Variants in IFNG-AS1 observed in about 807,000 individuals in gnomAD.
The protein encoded by IFNG-AS1 is IFNG regulatory antisense RNA 1.
intron 2 of IFNG-AS1, among the ~76,000 whole-genome samples, chr12:68,005,217 T>A (rs1262182714): frequency 6.6e-6 from 1 of 152,186 alleles, no homozygotes; most frequent in East Asian, 1.9e-4. Context: ...AGAGGGAAGA[T>A]CTCTGTGTCC....
At chr12:67,997,740 A>T (rs1196925577) in intron 2 of IFNG-AS1, among the ~76,000 whole-genome samples, 1 of 151,910 alleles carries the variant, frequency 6.6e-6, no homozygotes, top group Non-Finnish European at 1.5e-5. Context: ...TGCTTGCAAC[A>T]TTAATCTTTC....
At chr12:68,000,381 C>T (rs1223346013) in intron 2 of IFNG-AS1, among the ~76,000 whole-genome samples, 1 of 152,124 alleles carries the variant, frequency 6.6e-6, no homozygotes, top group African/African-American at 2.4e-5. Context: ...AAAATGTTGG[C>T]CACATGCAGT....
chr12:68,014,279 A>G (rs1880097435), intron 3 of IFNG-AS1, among the ~76,000 whole-genome samples: 1 of 152,168 alleles, frequency 6.6e-6, no homozygotes, highest in African/African-American at 2.4e-5. Context: ...GCATAATGAC[A>G]TCTTGTCCTC....
At chr12:68,008,768 G>C (rs1592826362) in intron 3 of IFNG-AS1, among the ~76,000 whole-genome samples, 1 of 152,288 alleles carries the variant, frequency 6.6e-6, no homozygotes, top group African/African-American at 2.4e-5. Context: ...ACTTGTAATG[G>C]ACCAGACTGA....
chr12:68,011,446 T>C (rs1565691304), intron 3 of IFNG-AS1, among the ~76,000 whole-genome samples: 1 of 152,080 alleles, frequency 6.6e-6, no homozygotes, highest in Non-Finnish European at 1.5e-5. Context: ...ATACTGTAAC[T>C]CCTCCAAAAT....
At chr12:68,013,321 G>A (rs1439558241) in intron 3 of IFNG-AS1, among the ~76,000 whole-genome samples, 1 of 152,194 alleles carries the variant, frequency 6.6e-6, no homozygotes, top group Non-Finnish European at 1.5e-5. Context: ...GAAGGACCAC[G>A]TAATACAAGC....
At chr12:67,995,591 A>C (rs1424386718) in intron 1 of IFNG-AS1, among the ~76,000 whole-genome samples, 1 of 151,284 alleles carries the variant, frequency 6.6e-6, no homozygotes, top group Non-Finnish European at 1.5e-5. Flanking sequence ...GCATGGTGTC[A>C]TGTGCCTGTA....
At chr12:68,002,385 T>C (rs1372876002) in intron 2 of IFNG-AS1, among the ~76,000 whole-genome samples, 2 of 152,206 alleles carry the variant, frequency 1.3e-5, no homozygotes, top group East Asian at 3.9e-4. Flanking sequence ...TATTTGGCTC[T>C]CAGAGTCAGA....
At chr12:67,996,653 C>G (rs1246620307) in intron 2 of IFNG-AS1, among the ~76,000 whole-genome samples, 3 of 152,162 alleles carry the variant, frequency 2.0e-5, no homozygotes, top group East Asian at 3.8e-4. Flanking sequence ...CTTGGCTTCT[C>G]TCTTTCAAAT....
intron 3 of IFNG-AS1, among the ~76,000 whole-genome samples, chr12:68,007,083 A>G (rs1273688732): frequency 6.6e-6 from 1 of 152,262 alleles, no homozygotes; most frequent in Admixed American, 6.5e-5. Context: ...TAGTAAAGGC[A>G]CAGAGCCTAA....
At chr12:68,007,077 A>C (rs563709037) in intron 3 of IFNG-AS1, among the ~76,000 whole-genome samples, 28 of 152,378 alleles carry the variant, frequency 1.8e-4, no homozygotes, top group African/African-American at 6.7e-4. Context: ...TGTGTGTAGT[A>C]AAGGCACAGA....
intron 1 of IFNG-AS1, among the ~76,000 whole-genome samples, chr12:67,994,546 T>C (rs148770688): frequency 6.6e-6 from 1 of 152,308 alleles, no homozygotes; most frequent in African/African-American, 2.4e-5. Context: ...CTATATACAA[T>C]TACCTAAAAC....
At chr12:68,018,213 A>G (rs931815390) in intron 3 of IFNG-AS1, among the ~76,000 whole-genome samples, 1 of 151,960 alleles carries the variant, frequency 6.6e-6, no homozygotes, top group African/African-American at 2.4e-5. Flanking sequence ...TTATTTATTT[A>G]TTTTTGGTCT....
At chr12:68,004,572 T>C (rs927940761) in intron 2 of IFNG-AS1, among the ~76,000 whole-genome samples, 11 of 152,216 alleles carry the variant, frequency 7.2e-5, no homozygotes, top group Admixed American at 3.9e-4. Flanking sequence ...CTTTGGAACA[T>C]TTTTCTGGCA....
intron 1 of IFNG-AS1, among the ~76,000 whole-genome samples, chr12:67,995,228 C>T (rs1187290969): frequency 1.3e-5 from 2 of 151,912 alleles, no homozygotes; most frequent in African/African-American, 4.8e-5. Flanking sequence ...CGAGACCATC[C>T]TGGCCAACAT....
intron 3 of IFNG-AS1, among the ~76,000 whole-genome samples, chr12:68,017,156 G>C (rs1334980778): frequency 6.6e-6 from 1 of 152,192 alleles, no homozygotes; most frequent in African/African-American, 2.4e-5. Flanking sequence ...CAGGTAGGAA[G>C]ACCCCTGAGG....
At chr12:67,994,826 T>C (rs147637728) in intron 1 of IFNG-AS1, among the ~76,000 whole-genome samples, 57 of 152,354 alleles carry the variant, frequency 3.7e-4, no homozygotes, top group African/African-American at 1.3e-3. Flanking sequence ...GACCCTGGAA[T>C]TGGCTTCCCT....
intron 3 of IFNG-AS1, among the ~76,000 whole-genome samples, chr12:68,019,502 C>T (rs1303033608): frequency 1.3e-5 from 2 of 152,158 alleles, no homozygotes; most frequent in Non-Finnish European, 2.9e-5. Context: ...TGGAGCACAG[C>T]GTCTGGCTTT....
At chr12:68,004,004 A>T (rs1206990647) in intron 2 of IFNG-AS1, among the ~76,000 whole-genome samples, 1 of 148,452 alleles carries the variant, frequency 6.7e-6, no homozygotes, top group Non-Finnish European at 1.5e-5. Flanking sequence ...GACATTCAAA[A>T]ACAGGACACT....
Sources: gnomAD v4.1 joint callset for allele counts (sites outside exome capture counted in the v4.1 genomes callset) on GRCh38, gnomAD v4.1.1 for gene constraint, MANE v1.5 for transcripts, NCBI Gene and HGNC (gene_info 2026-07-23, HGNC 2026-07-21) for gene names.